FARP2: variants seen among roughly 807,000 people sequenced by gnomAD.
FARP2 encodes FERM, ARHGEF and pleckstrin domain-containing protein 2.
A neutral mutation model predicts 130.5 loss-of-function variants in FARP2; 111 were observed. The ratio of observed to expected loss-of-function variants is 0.85; its 90% CI spans 0.73 to 1.00. The LOEUF (loss-of-function observed/expected upper bound fraction) is 1.00. Ranked by LOEUF, FARP2 falls within the 50% of genes least tolerant of loss-of-function variation. The probability of loss-of-function intolerance (pLI) is 0.00; values close to 1 mark genes in which losing one functional copy is unlikely to be tolerated. For missense variants in FARP2, 1,385 were observed against 1,346.3 expected (o/e 1.03, Z -0.45); for synonymous variants, 504 against 516.9 (o/e 0.98, Z 0.34).
chr2:241,432,399 A>G (rs2063116472), intron 9 of FARP2, among the ~76,000 whole-genome samples: 1 of 152,176 alleles, frequency 6.6e-6, no homozygotes, highest in African/African-American at 2.4e-5. Flanking sequence ...ACATCTGACA[A>G]GCTCCTAGGG....
At chr2:241,398,334 A>T (rs953079554) in intron 2 of FARP2, among the ~76,000 whole-genome samples, 1 of 152,144 alleles carries the variant, frequency 6.6e-6, no homozygotes, top group Non-Finnish European at 1.5e-5. Context: ...ATTATAAATT[A>T]GTTTTGCCAG....
At position 241,458,681 on chromosome 2, in the gene FARP2, CA is replaced by C. The variant is rs11300600; in HGVS notation, c.1587+1770del. 1.0e-2 allele frequency among the ~76,000 whole-genome samples: 1,429 copies of C among 143,334 alleles called. 14 individuals carry two copies. The highest frequency in any genetic ancestry group is 0.011 in the Non-Finnish European group (737 of 64,732). The allele number at this position is 143,334 out of a possible 152,430, so 94.0% of individuals were successfully genotyped here. Reference sequence around the variant, plus strand: ...TCTTTAGTTCACTGTTTCTTTGGTACAAAAAAAAAAATGGCTACCAAGCAGT... The same window carrying C: ...TCTTTAGTTCACTGTTTCTTTGGTACAAAAAAAAAATGGCTACCAAGCAGT... On this transcript the variant is annotated intron_variant, in intron 14 of 26. Transcript: ENST00000264042.
chr2:241,439,014 A>C (rs1283970459), intron 12 of FARP2, among the ~76,000 whole-genome samples: 3 of 151,788 alleles, frequency 2.0e-5, no homozygotes, highest in Non-Finnish European at 4.4e-5. Flanking sequence ...TTGTTCCTTT[A>C]CACAGTTTGA....
chr2:241,439,768 C>G (rs1263383451), intron 12 of FARP2, among the ~76,000 whole-genome samples: 1 of 152,098 alleles, frequency 6.6e-6, no homozygotes, highest in Non-Finnish European at 1.5e-5. Flanking sequence ...TCGAGACCAG[C>G]TTGGCCAACA....
Position 241,401,644 on chromosome 2 carries a change from C to T in FARP2, c.184-2184C>T, listed in dbSNP as rs139707179. 5.0e-4 allele frequency among the ~76,000 whole-genome samples: 76 copies of T among 152,244 alleles called. 1 individual carries two copies. In the East Asian group the frequency reaches 0.013, roughly 27 times the overall value. ...TGCTGAGTTCACAGGCGTGAGCTAC[C>T]ATGCCCAGAGTCCCTTTTATTTTTT... On this transcript the variant is annotated intron_variant, in intron 2 of 26. Transcript: ENST00000264042.
At chr2:241,433,095 C>T (rs116644434) in intron 9 of FARP2, among the ~76,000 whole-genome samples, 2,015 of 150,624 alleles carry the variant, frequency 0.013, 38 homozygotes, top group African/African-American at 0.044. Flanking sequence ...AACACACATA[C>T]GAAACACAAG....
At chr2:241,458,145 G>C (rs766944825) in intron 14 of FARP2, among the ~76,000 whole-genome samples, 1 of 152,080 alleles carries the variant, frequency 6.6e-6, no homozygotes. Flanking sequence ...CTACAGCTAC[G>C]GTTTTGCAGA....
rs547939092 is a variant in FARP2, at chr2:241,427,956, C to T, written c.772-3723C>T. On this transcript the variant is annotated intron_variant, in intron 8 of 26. Transcript: ENST00000264042. ...TAATTTTTTGTATTTTTAGTAGAGG[C>T]GGGGTTTCACTGTGTTAGCCAGGAT... Among the ~76,000 whole-genome samples the T allele has an allele frequency of 4.0e-3, 615 of 152,038 alleles. 5 individuals are homozygous for T. The highest frequency in any genetic ancestry group is 0.014 in the African/African-American group (571 of 41,484).
chr2:241,369,118 C>T (rs1168045339), intron 1 of FARP2, among the ~76,000 whole-genome samples: 4 of 151,962 alleles, frequency 2.6e-5, no homozygotes, highest in East Asian at 3.9e-4. Flanking sequence ...GGATGTAAGT[C>T]GCTGCTTGGA....
intron 21 of FARP2, among the ~76,000 whole-genome samples, chr2:241,485,454 C>T (rs1447664220): frequency 1.3e-5 from 2 of 149,724 alleles, no homozygotes; most frequent in African/African-American, 4.9e-5. Flanking sequence ...GTCCTCCCTC[C>T]CTCCCTGGGA....
At chr2:241,487,744 C>CCTTTTTTT (rs1390065024) in intron 21 of FARP2, among the ~76,000 whole-genome samples, 1 of 45,174 alleles carries the variant, frequency 2.2e-5, no homozygotes, top group Non-Finnish European at 4.3e-5. Flanking sequence ...GCCTAGCCTA[C>CCTTTTTTT]TCTTTTTTTT....
At chr2:241,458,188 G>A (rs2063914946) in intron 14 of FARP2, among the ~76,000 whole-genome samples, 2 of 152,124 alleles carry the variant, frequency 1.3e-5, no homozygotes, top group African/African-American at 2.4e-5. Flanking sequence ...AGGGTCCAGG[G>A]AGTTTGTAGA....
chr2:241,390,475 A>T (rs1461689255), intron 2 of FARP2, among the ~76,000 whole-genome samples: 1 of 152,138 alleles, frequency 6.6e-6, no homozygotes, highest in African/African-American at 2.4e-5. Context: ...AGAAGAATGC[A>T]TCTGTTTATT....
At chr2:241,414,618 G>T (rs2062616351) in intron 7 of FARP2, among the ~76,000 whole-genome samples, 1 of 152,244 alleles carries the variant, frequency 6.6e-6, no homozygotes, top group African/African-American at 2.4e-5. Context: ...GTAAGATTGT[G>T]TGGATTTCGT....
At chr2:241,423,115 C>G (rs2062851332) in intron 8 of FARP2, among the ~76,000 whole-genome samples, 1 of 152,070 alleles carries the variant, frequency 6.6e-6, no homozygotes, top group Admixed American at 6.6e-5. Flanking sequence ...GCAGAGAACC[C>G]CAGTAAGATA....
At position 241,463,357 on chromosome 2, in the gene FARP2, A is replaced by T. The variant is rs764374009; in HGVS notation, c.1700A>T (p.Lys567Met). ...ITVWFRSAVV[K>M]EDAMPATLMT... Reference sequence around the variant, plus strand: ...CAGTGGTTCCGCAGCGCAGTGGTGAAGGAGGACGCCATGCCTGCGACTCTG... The same window carrying T: ...CAGTGGTTCCGCAGCGCAGTGGTGATGGAGGACGCCATGCCTGCGACTCTG... Residue 567 changes from lysine to methionine, a missense_variant, in exon 16 of 27, where the codon AAG (lysine) becomes ATG (methionine). Physicochemically the swap from Lys to Met is moderately conservative, Grantham distance 95. Coordinates refer to ENST00000264042, the MANE Select transcript of FARP2 (RefSeq NM_014808.4). The T allele has an allele frequency of 9.3e-6, 15 of 1,614,140 alleles. No individual in the cohort carries two copies. The highest frequency in any genetic ancestry group is 1.3e-5 in the Non-Finnish European group (15 of 1,180,020).
chr2:241,360,754 A>T (rs1434549630), intron 1 of FARP2, among the ~76,000 whole-genome samples: 1 of 152,180 alleles, frequency 6.6e-6, no homozygotes, highest in Non-Finnish European at 1.5e-5. Flanking sequence ...AAATGGCTAA[A>T]TTGAGAAAAA....
chr2:241,397,997 T>A (rs566542474), intron 2 of FARP2, among the ~76,000 whole-genome samples: 1 of 146,542 alleles, frequency 6.8e-6, no homozygotes, highest in African/African-American at 2.6e-5. Flanking sequence ...GCCCGGCTAA[T>A]TTTTTTTGCA....
At chr2:241,439,179 C>T (rs138453563) in intron 12 of FARP2, among the ~76,000 whole-genome samples, 3,394 of 152,020 alleles carry the variant, frequency 0.022, 50 homozygotes, top group Non-Finnish European at 0.04. Context: ...CCGCACCCAG[C>T]TAATTTTGTA....
Sources: allele counts gnomAD v4.1 joint callset (sites outside exome capture counted in the v4.1 genomes callset), GRCh38; gene constraint gnomAD v4.1.1; transcripts MANE v1.5; gene names NCBI Gene and HGNC (gene_info 2026-07-23, HGNC 2026-07-21).